Variants in ANKIB1 observed in about 807,000 individuals in gnomAD.
The protein encoded by ANKIB1 is ankyrin repeat and IBR domain-containing protein 1.
Under a neutral mutation model 122.1 loss-of-function variants are expected in ANKIB1, and 43 were observed. That is an observed-to-expected ratio of 0.35 (90% confidence interval 0.28 to 0.45). The LOEUF is 0.45. Ranked by LOEUF, ANKIB1 falls within the 20% of genes least tolerant of loss-of-function variation. The pLI is 1.00. For synonymous variants in ANKIB1, 390 were observed against 442.0 expected, an observed-to-expected ratio of 0.88 and a Z score of 1.48; for missense variants, 992 against 1,329.5, an observed-to-expected ratio of 0.75 and a Z score of 3.95.
intron 7 of ANKIB1, among the ~76,000 whole-genome samples, chr7:92,349,366 G>A (rs532448749): frequency 6.6e-6 from 1 of 152,264 alleles, no homozygotes; most frequent in Non-Finnish European, 1.5e-5. Flanking sequence ...TTGCCCAGAC[G>A]AGGATATGAA....
At chr7:92,277,253 A>C (rs1367373879) in intron 1 of ANKIB1, among the ~76,000 whole-genome samples, 1 of 152,176 alleles carries the variant, frequency 6.6e-6, no homozygotes, top group Admixed American at 6.5e-5. Context: ...AAAATGGACT[A>C]ATACAGTACT....
intron 1 of ANKIB1, among the ~76,000 whole-genome samples, chr7:92,291,827 A>G (rs990174883): frequency 4.6e-5 from 7 of 152,068 alleles, no homozygotes; most frequent in African/African-American, 1.7e-4. Context: ...TACCTGCCTC[A>G]GGCTCCCAAA....
intron 11 of ANKIB1, among the ~76,000 whole-genome samples, chr7:92,372,134 A>G (rs1804279145): frequency 2.0e-5 from 3 of 152,094 alleles, no homozygotes; most frequent in Non-Finnish European, 2.9e-5. Context: ...TCTCCATACA[A>G]TTGGCTCTCT....
intron 1 of ANKIB1, among the ~76,000 whole-genome samples, chr7:92,267,164 G>A (rs1354507316): frequency 1.3e-5 from 2 of 152,202 alleles, no homozygotes; most frequent in South Asian, 2.1e-4. Flanking sequence ...CAGAGTTAAG[G>A]TGTAGTAGCT....
intron 3 of ANKIB1, among the ~76,000 whole-genome samples, chr7:92,313,778 A>G (rs1802738415): frequency 6.6e-6 from 1 of 152,180 alleles, no homozygotes; most frequent in African/African-American, 2.4e-5. Flanking sequence ...CTGAACGTTT[A>G]TCTCTGGGAA....
At chr7:92,327,737 CTATGAG>C in intron 4 of ANKIB1, 40 bp from the exon 5 acceptor site, 1 of 1,019,464 alleles carries the variant, frequency 9.8e-7, no homozygotes. Context: ...TGATAACTTC[CTATGAG>C]TATAATGCCC....
intron 11 of ANKIB1, among the ~76,000 whole-genome samples, chr7:92,377,611 G>A (rs995634016): frequency 6.6e-6 from 1 of 152,084 alleles, no homozygotes; most frequent in Non-Finnish European, 1.5e-5. Context: ...ATACAGCAAA[G>A]TGCAATGAAA....
chr7:92,398,985 A>T lies in ANKIB1; in HGVS notation c.*36A>T, dbSNP rs774292150. 2 of 1,512,436 alleles carry T rather than the reference A, an allele frequency of 1.3e-6. No individual in the cohort carries two copies. The highest frequency in any genetic ancestry group is 1.8e-6 in the Non-Finnish European group (2 of 1,131,076). The allele number at this position is 1,512,436 out of a possible 1,614,324, so 93.7% of individuals were successfully genotyped here. A position where few individuals can be genotyped will look rare whatever the true frequency, so the allele number is the denominator to read the frequency against. ...TCTGGGCTCTAAATGAATTACAGGT[A>T]CAGATGGTATGCTAGGTGGAGTATG... On this transcript the variant is annotated 3_prime_UTR_variant, in exon 20 of 20. Coordinates refer to ENST00000265742, the MANE Select transcript of ANKIB1 (RefSeq NM_019004.2).
intron 18 of ANKIB1, among the ~76,000 whole-genome samples, chr7:92,396,997 A>G (rs1804910202): frequency 6.6e-6 from 1 of 152,230 alleles, no homozygotes; most frequent in Non-Finnish European, 1.5e-5. Flanking sequence ...TAAATTATTA[A>G]GTGAAAATCT....
chr7:92,341,518 G>A (rs996490959), intron 5 of ANKIB1, among the ~76,000 whole-genome samples: 2 of 150,956 alleles, frequency 1.3e-5, no homozygotes, highest in African/African-American at 4.9e-5. Flanking sequence ...TGTAAACAAA[G>A]TAGGGGGATA....
At chr7:92,372,717 A>G (rs1804298707) in intron 11 of ANKIB1, among the ~76,000 whole-genome samples, 1 of 152,194 alleles carries the variant, frequency 6.6e-6, no homozygotes. Context: ...AGTGTGTTTA[A>G]AACAAATATG....
In ANKIB1 at chr7:92,397,627, A is replaced by G. The variant is rs371390112; in HGVS notation, c.2396-96A>G. On this transcript the variant is annotated intron_variant, in intron 18 of 19. Transcript: ENST00000265742. ...AACACAGGTTTTCCCCAGCACTGAA[A>G]GAGAAATTGCCCATCTAAACAACCA... The G allele has an allele frequency of 7.2e-6, 10 of 1,387,992 alleles. 1 individual carries two copies. Among genetic ancestry groups the G allele is most frequent in the East Asian group, 2.3e-5 (1 of 43,302 alleles). The allele number at this position is 1,387,992 out of a possible 1,614,324, so 86.0% of individuals were successfully genotyped here.
At chr7:92,309,819 G>A (rs1802647307) in intron 3 of ANKIB1, among the ~76,000 whole-genome samples, 3 of 150,262 alleles carry the variant, frequency 2.0e-5, no homozygotes. Context: ...CAGCTGCTTG[G>A]GAGGCTGAGG....
In ANKIB1 at chr7:92,388,049, A is replaced by T; in HGVS notation, c.1906+8A>T. On this transcript the variant is annotated splice_region_variant and intron_variant, in intron 14 of 19. Transcript: ENST00000265742. The stretch of plus-strand genomic sequence containing the variant: ...GCAGAGCTCTCAAAGAAAGTAAGTT[A>T]TAAGTTGTATGTGTGATAATTAATA... 1 of 1,556,366 alleles carries T rather than the reference A, an allele frequency of 6.4e-7. No homozygotes were observed.
At chr7:92,352,945 C>G (rs1803697612) in intron 9 of ANKIB1, among the ~76,000 whole-genome samples, 1 of 152,128 alleles carries the variant, frequency 6.6e-6, no homozygotes, top group Non-Finnish European at 1.5e-5. Context: ...GGGTATACAG[C>G]TAGGAATTGG....
intron 5 of ANKIB1, among the ~76,000 whole-genome samples, chr7:92,339,284 C>T (rs1286525936): frequency 4.6e-5 from 7 of 151,708 alleles, no homozygotes; most frequent in Admixed American, 2.6e-4. Flanking sequence ...CCTGGTGATC[C>T]GCCCGCCTTG....
intron 8 of ANKIB1, among the ~76,000 whole-genome samples, chr7:92,351,720 G>GTTTTTT (rs1018424517): frequency 2.6e-5 from 3 of 116,656 alleles, no homozygotes; most frequent in Non-Finnish European, 1.8e-5. Flanking sequence ...TTTTTTTTTT[G>GTTTTTT]TTTTTTTTTT....
chr7:92,266,836 A>G (rs1414703583), intron 1 of ANKIB1, among the ~76,000 whole-genome samples: 1 of 152,236 alleles, frequency 6.6e-6, no homozygotes, highest in Non-Finnish European at 1.5e-5. Flanking sequence ...AAAACCAGGA[A>G]AAGAATCCTT....
intron 1 of ANKIB1, among the ~76,000 whole-genome samples, chr7:92,269,323 T>A (rs146573453): frequency 6.6e-6 from 1 of 152,344 alleles, no homozygotes; most frequent in Non-Finnish European, 1.5e-5. Context: ...AGCCTACGAT[T>A]CAGAAATAAT....
Sources: allele counts gnomAD v4.1 joint callset (sites outside exome capture counted in the v4.1 genomes callset), GRCh38; gene constraint gnomAD v4.1.1; transcripts MANE v1.5; gene names NCBI Gene and HGNC (gene_info 2026-07-23, HGNC 2026-07-21).